The following CIT variants were observed in gnomAD, a reference collection of about 807,000 sequenced individuals.
CIT encodes citron Rho-interacting kinase.
In CIT, 79 loss-of-function variants were observed where a neutral mutation model predicts 272.7. The ratio of observed to expected loss-of-function variants is 0.29; its 90% CI spans 0.24 to 0.35. The LOEUF (loss-of-function observed/expected upper bound fraction) is 0.35. Ranked by LOEUF, CIT falls within the 10% of genes least tolerant of loss-of-function variation. The pLI, the probability that CIT is intolerant of heterozygous loss-of-function variation, is 1.00. For missense variants in CIT, 1,909 were observed against 2,618.3 expected (o/e 0.73, Z 5.91); for synonymous variants, 948 against 995.6 (o/e 0.95, Z 0.90).
rs1966497926 is a variant in CIT at position 119,804,789 on chromosome 12, A to G, written c.1112-1400T>C. On this transcript the variant is annotated intron_variant, in intron 9 of 47. Transcript: ENST00000392521. This position sits in a 1 kb window ranked among gnomAD's most constrained non-coding sequence, Gnocchi z 5.3. ...AGAGGTCTGGCTGTTCCTGAGAAGT[A>G]CAAAAGAACATTCCCAGAGCTTCAG... Among the ~76,000 whole-genome samples, 1 of 152,184 alleles carries G rather than the reference A, an allele frequency of 6.6e-6. No homozygotes were observed. The highest frequency in any genetic ancestry group is 1.5e-5 in the Non-Finnish European group (1 of 68,036).
intron 44 of CIT, 165 bp downstream of exon 44, chr12:119,700,580 G>T: frequency 1.7e-6 from 1 of 599,518 alleles, no homozygotes; most frequent in African/African-American, 1.9e-5. Context: ...ATGGGGTTTC[G>T]CCATGTTGGT....
At chr12:119,777,873 A>G (rs1203116608) in intron 13 of CIT, among the ~76,000 whole-genome samples, 2 of 152,200 alleles carry the variant, frequency 1.3e-5, no homozygotes, top group East Asian at 1.9e-4. Context: ...AATCATTTAT[A>G]TAGACTTGTC....
intron 5 of CIT, 86 bp downstream of exon 5, chr12:119,850,088 G>A (rs1970104509): frequency 3.4e-6 from 3 of 875,132 alleles, no homozygotes; most frequent in Admixed American, 1.9e-5. Flanking sequence ...GAGACCACAT[G>A]GGCAAGAACA....
chr12:119,784,345 G>T lies in CIT; in HGVS notation c.1402-294C>A. 7.4e-7 allele frequency: 1 copy of T among 1,359,396 alleles called. No homozygotes were observed. The highest frequency in any genetic ancestry group is 2.5e-5 in the Admixed American group (1 of 39,958). The allele number at this position is 1,359,396 out of a possible 1,614,324, so 84.2% of individuals were successfully genotyped here. On this transcript the variant is annotated intron_variant, in intron 11 of 47. Coordinates refer to ENST00000392521, the MANE Select transcript of CIT (RefSeq NM_001206999.2). This position sits in a 1 kb window ranked among gnomAD's most constrained non-coding sequence, Gnocchi z 4.7. ...CATCATTTTTCACCTGTTTGCTTTT[G>T]TTTTTGTTTTGTTTTTGCAGACGTC...
chr12:119,864,848 G>A (rs192454690), intron 3 of CIT, among the ~76,000 whole-genome samples: 16 of 151,746 alleles, frequency 1.1e-4, no homozygotes, highest in South Asian at 2.1e-4. Context: ...CCAGATGCTC[G>A]TTCCCTTCCC....
chr12:119,709,197 T>C (rs1307225701), intron 39 of CIT, among the ~76,000 whole-genome samples: 1 of 152,178 alleles, frequency 6.6e-6, no homozygotes, highest in East Asian at 1.9e-4. Context: ...TATGATACTC[T>C]ATGTGTGGAT....
Position 119,825,346 on chromosome 12 carries a change from C to G in CIT, c.776G>C (p.Gly259Ala). 6.2e-7 allele frequency: 1 copy of G among 1,613,894 alleles called. No individual in the cohort carries two copies. Among genetic ancestry groups the G allele is most frequent in the Non-Finnish European group, 8.5e-7 (1 of 1,179,976 alleles). ...NKMVNAKLPI[G>A]TPDYMAPEVL... The stretch of plus-strand genomic sequence containing the variant: ...TTCAGGAGCCATGTAATCTGGGGTC[C>G]CAATCGGGAGTTTGGCATTCACCTA... Residue 259 changes from glycine (G) to alanine (A), a missense_variant, in exon 8 of 48, where the codon GGG (glycine) becomes GCG (alanine). This residue lies in a region of CIT where 529 missense variants were observed against 549.6 expected (regional missense o/e 0.96). Transcript: ENST00000392521.
Position 119,720,966 on chromosome 12 carries a change from T to C in CIT, c.3732+343A>G, listed in dbSNP as rs57630280. 2.0e-5 allele frequency among the ~76,000 whole-genome samples: 3 copies of C among 152,182 alleles called. No individual in the cohort carries two copies. In the East Asian group the frequency reaches 5.8e-4, roughly 29 times the overall value. On this transcript the variant is annotated intron_variant, in intron 29 of 47. Transcript: ENST00000392521. ...ATCATGCTTTGCCTCTGCAGACTTA[T>C]TTATTTATTTATTTTCTTGAGACAA...
Position 119,710,584 on chromosome 12 carries a change from C to T in CIT, c.4891G>A (p.Asp1631Asn). The T allele has an allele frequency of 6.2e-7, 1 of 1,614,228 alleles. No individual in the cohort carries two copies. Among genetic ancestry groups the T allele is most frequent in the Non-Finnish European group, 8.5e-7 (1 of 1,180,038 alleles). The change falls in exon 38 of 48, where the codon GAT becomes AAT. Residue 1631 changes from aspartate (D) to asparagine (N), a missense_variant. By Grantham distance (23) the Asp-to-Asn change is conservative. Coordinates refer to ENST00000392521, the MANE Select transcript of CIT (RefSeq NM_001206999.2). The surrounding 1 kb of genome is among the most constrained non-coding windows in gnomAD (Gnocchi z 5.6). ...GTGCAGTTCATGTCTAGACGGTCAT[C>T]ACCTTCCAGTTTCAGCAGGGAGTTT... is the stretch of plus-strand genomic sequence containing the variant. ...LGNSLLKLEGDDRLDMNCTLP... is the reference protein window; with the variant it reads ...LGNSLLKLEGNDRLDMNCTLP...
At chr12:119,691,131 C>A (rs1199759329) in intron 46 of CIT, among the ~76,000 whole-genome samples, 1 of 145,830 alleles carries the variant, frequency 6.9e-6, no homozygotes, top group African/African-American at 2.6e-5. Context: ...AAGATCGGAC[C>A]ACTGCACTCC....
chr12:119,800,107 A>G (rs1383307306), intron 10 of CIT, among the ~76,000 whole-genome samples: 1 of 152,128 alleles, frequency 6.6e-6, no homozygotes, highest in Non-Finnish European at 1.5e-5. Context: ...TAAAACTTTA[A>G]CATGCTGTTT....
chr12:119,707,565 A>G (rs1407669795), intron 40 of CIT, among the ~76,000 whole-genome samples: 1 of 151,902 alleles, frequency 6.6e-6, no homozygotes, highest in Admixed American at 6.6e-5. Flanking sequence ...GCGGTGGCGC[A>G]ATCTCGGCTC....
rs751055717 is a variant in CIT at position 119,696,915 on chromosome 12, C to G, written c.5882+744G>C. On this transcript the variant is annotated intron_variant, in intron 46 of 47. Transcript: ENST00000392521. ...CGATTGCTCCATGTCAGTGTGAGTTCTTCATTCTTTTCCCCAGATGCCTGC... is the reference window on the plus strand; with the variant it reads ...CGATTGCTCCATGTCAGTGTGAGTTGTTCATTCTTTTCCCCAGATGCCTGC... Among the ~76,000 whole-genome samples the G allele has an allele frequency of 2.6e-5, 4 of 151,954 alleles. No individual in the cohort carries two copies. The Middle Eastern group carries it at 0.01, about 388-fold the overall frequency.
rs762975110 is a variant in CIT at position 119,770,858 on chromosome 12, C to T, written c.2135G>A (p.Arg712His). 36 of 1,612,832 alleles carry T rather than the reference C, an allele frequency of 2.2e-5. 1 individual carries two copies. Among genetic ancestry groups the T allele is most frequent in the Non-Finnish European group, 2.5e-5 (30 of 1,179,846 alleles). Reference protein sequence around the residue: ...NKVKRLETMERRENRLKDDIQ... With the variant: ...NKVKRLETMEHRENRLKDDIQ... ...GTCATCCTTCAGTCTGTTTTCTCTA[C>T]GCTCCATGGTCTCTAGTCTCTTTAC... The change falls in exon 18 of 48, where the codon CGT (arginine) becomes CAT (histidine). Residue 712 changes from arginine to histidine, a missense_variant. By Grantham distance (29) the Arg-to-His change is conservative. Around this residue, in one of 8 missense-constraint regions of CIT, gnomAD observed 530 missense variants for 822.4 expected, o/e 0.64. Transcript: ENST00000392521. The surrounding 1 kb of genome is among the most constrained non-coding windows in gnomAD (Gnocchi z 4.4).
rs1962732095 is a variant in CIT, at chr12:119,768,567, T to C, written c.2209-1385A>G. On this transcript the variant is annotated intron_variant, in intron 18 of 47. Transcript: ENST00000392521. This position sits in a 1 kb window ranked among gnomAD's most constrained non-coding sequence, Gnocchi z 4.3. The stretch of plus-strand genomic sequence containing the variant: ...AAAATGTTAGTGATTAAGCTTTTGA[T>C]ATTCTAAAGTCTCCAAGCATTGGCT... Among the ~76,000 whole-genome samples, 2 of 152,214 alleles carry C rather than the reference T, an allele frequency of 1.3e-5. No homozygotes were observed. Among genetic ancestry groups the C allele is most frequent in the South Asian group, 4.1e-4 (2 of 4,826 alleles).
chr12:119,713,249 G>T lies in CIT; in HGVS notation c.4533C>A (p.Val1511=). 6.2e-7 allele frequency: 1 copy of T among 1,614,122 alleles called. No homozygotes were observed. The highest frequency in any genetic ancestry group is 1.3e-5 in the African/African-American group (1 of 75,042). Residue 1511 remains valine (V), a synonymous_variant, in exon 35 of 48, where the codon GTC becomes GTA. Transcript: ENST00000392521. The surrounding 1 kb of genome is among the most constrained non-coding windows in gnomAD (Gnocchi z 5.2). ...AAATGAGGACTTTTGATCCCTCCAGGACAATGTACTTCCTGTCCCAGCCTT... is the reference window on the plus strand; with the variant it reads ...AAATGAGGACTTTTGATCCCTCCAGTACAATGTACTTCCTGTCCCAGCCTT... The part of the protein sequence containing the change: ...GQQGWDRKYI[V]LEGSKVLIYD...
chr12:119,833,002 T>TA, intron 6 of CIT, 138 bp from the exon 7 acceptor site: 4 of 545,712 alleles, frequency 7.3e-6, no homozygotes, highest in Non-Finnish European at 1.3e-5. Flanking sequence ...GGATATAAAT[T>TA]ATTAGCATAC....
At chr12:119,704,284 A>G (rs1486327794) in intron 41 of CIT, 79 bp downstream of exon 41, 14 of 1,273,112 alleles carry the variant, frequency 1.1e-5, no homozygotes, top group Non-Finnish European at 1.5e-5. Flanking sequence ...GTCCCAGGAC[A>G]GTGCACTTTC....
intron 6 of CIT, among the ~76,000 whole-genome samples, chr12:119,833,098 GC>G (rs1968758108): frequency 6.6e-6 from 1 of 152,076 alleles, no homozygotes; most frequent in South Asian, 2.1e-4. Context: ...GCGAGAGGGA[GC>G]AAGGAAGGAT....
Sources: gnomAD v4.1 joint callset for allele counts (sites outside exome capture counted in the v4.1 genomes callset) on GRCh38, gnomAD v4.1.1 for gene constraint, gnomAD v4.1.1 regional missense constraint, Gnocchi (gnomAD v3.1) non-coding constraint, MANE v1.5 for transcripts, NCBI Gene and HGNC (gene_info 2026-07-23, HGNC 2026-07-21) for gene names.